Variants in USP6NL observed in about 807,000 individuals in gnomAD.
USP6NL encodes the protein USP6 N-terminal-like protein.
A neutral mutation model predicts 61.9 loss-of-function variants in USP6NL; 26 were observed. The ratio of observed to expected loss-of-function variants is 0.42; its 90% CI spans 0.31 to 0.58. The LOEUF (loss-of-function observed/expected upper bound fraction) is 0.58. Among genes scored for constraint, USP6NL ranks in the 20% least tolerant of loss-of-function variants. The pLI is 0.16. For synonymous variants in USP6NL, 432 were observed against 390.1 expected, an observed-to-expected ratio of 1.11 and a Z score of -1.27; for missense variants, 1,114 against 1,034.3, an observed-to-expected ratio of 1.08 and a Z score of -1.06.
chr10:11,514,766 A>G (rs976022954), intron 5 of USP6NL, among the ~76,000 whole-genome samples: 4 of 152,206 alleles, frequency 2.6e-5, no homozygotes, highest in African/African-American at 7.2e-5. Flanking sequence ...CTTCTCACCA[A>G]TGAAATTTTT....
intron 2 of USP6NL, among the ~76,000 whole-genome samples, chr10:11,554,753 A>G (rs375806492): frequency 4.0e-5 from 6 of 151,266 alleles, no homozygotes; most frequent in Admixed American, 1.3e-4. Flanking sequence ...ATACCAAGAA[A>G]AAAAAAAAGA....
Position 11,513,789 on chromosome 10 carries a change from C to G in USP6NL, c.196-4114G>C, listed in dbSNP as rs1241049675. On this transcript the variant is annotated intron_variant, in intron 5 of 14. Coordinates refer to ENST00000609104, the MANE Select transcript of USP6NL (RefSeq NM_014688.5). This position sits in a 1 kb window ranked among gnomAD's most constrained non-coding sequence, Gnocchi z 4.7. ...ACCAAATTCCCCACTTGCCCCAAGA[C>G]TGTTCTTTATAGCTGGTTTTTTCTG... 6.6e-6 allele frequency among the ~76,000 whole-genome samples: 1 copy of G among 152,202 alleles called. No homozygotes were observed. Among genetic ancestry groups the G allele is most frequent in the Non-Finnish European group, 1.5e-5 (1 of 68,032 alleles).
rs35927009 is a variant in USP6NL, at chr10:11,608,393, C to T, written c.-84+3050G>A. ...ATGATCCAAGAACAGTGCCAAGGGC[C>T]TTCTCCACATAACCAACAGTGACTG... On this transcript the variant is annotated intron_variant, in intron 1 of 14. Coordinates refer to ENST00000609104, the MANE Select transcript of USP6NL (RefSeq NM_014688.5). Among the ~76,000 whole-genome samples the T allele has an allele frequency of 2.4e-3, 359 of 152,310 alleles. 2 individuals carry two copies. The highest frequency in any genetic ancestry group is 8.3e-3 in the African/African-American group (345 of 41,560).
intron 2 of USP6NL, chr10:11,563,950 T>C (rs1479412208): frequency 2.6e-5 from 4 of 152,214 alleles, no homozygotes; most frequent in Non-Finnish European, 5.9e-5. Flanking sequence ...GATAAGGGCT[T>C]TCTCACAATT....
At chr10:11,549,534 CTT>C (rs1836410804) in intron 2 of USP6NL, among the ~76,000 whole-genome samples, 2 of 152,142 alleles carry the variant, frequency 1.3e-5, no homozygotes, top group Admixed American at 1.3e-4. Flanking sequence ...CACCCAAACT[CTT>C]TTTAAATGTG....
At chr10:11,541,050 C>G (rs1566168236) in intron 2 of USP6NL, among the ~76,000 whole-genome samples, 2 of 151,796 alleles carry the variant, frequency 1.3e-5, no homozygotes, top group Non-Finnish European at 2.9e-5. Flanking sequence ...TCACAAGACA[C>G]AGCTGCAATC....
At position 11,491,135 on chromosome 10, in the gene USP6NL, T is replaced by C. The variant is rs2133263708; in HGVS notation, c.495-255A>G. Among the ~76,000 whole-genome samples the C allele has an allele frequency of 6.6e-6, 1 of 152,326 alleles. No individual in the cohort carries two copies. The highest frequency in any genetic ancestry group is 3.4e-3 in the Middle Eastern group (1 of 294). Reference sequence around the variant, plus strand: ...TCAAAATTCCTAAAATTTGTTGCCTTCTTTTGCTGATCTATCTCACTTTGA... The same window carrying C: ...TCAAAATTCCTAAAATTTGTTGCCTCCTTTTGCTGATCTATCTCACTTTGA... On this transcript the variant is annotated intron_variant, in intron 8 of 14. Transcript: ENST00000609104. This position sits in a 1 kb window ranked among gnomAD's most constrained non-coding sequence, Gnocchi z 4.7.
chr10:11,479,348 A>G (rs1833094636), intron 14 of USP6NL, among the ~76,000 whole-genome samples: 1 of 152,202 alleles, frequency 6.6e-6, no homozygotes, highest in African/African-American at 2.4e-5. Context: ...AGAAAAAGAA[A>G]GAAGGGTGCC....
intron 14 of USP6NL, among the ~76,000 whole-genome samples, chr10:11,464,829 G>A (rs1566110780): frequency 1.3e-5 from 2 of 152,180 alleles, no homozygotes; most frequent in South Asian, 2.1e-4. Context: ...ACTTTAAAAT[G>A]CTTGTAATTC....
At chr10:11,572,867 TATC>T (rs1053926481) in intron 2 of USP6NL, among the ~76,000 whole-genome samples, 8 of 152,098 alleles carry the variant, frequency 5.3e-5, no homozygotes, top group Admixed American at 1.3e-4. Flanking sequence ...AATTCCTAAT[TATC>T]ATTTTAGAAT....
intron 1 of USP6NL, among the ~76,000 whole-genome samples, chr10:11,610,966 G>C (rs1838870168): frequency 6.6e-6 from 1 of 152,120 alleles, no homozygotes; most frequent in Non-Finnish European, 1.5e-5. Context: ...GGATTTCCAA[G>C]ACTTGCAGAT....
Position 11,589,876 on chromosome 10 carries a change from C to T in USP6NL, c.4+7755G>A, listed in dbSNP as rs906101068. ...TGTGAGAACAAAATCAAACCGGTGCCGCTCCAGGGTACCAAGGCAATGCCA... is the reference window on the plus strand; with the variant it reads ...TGTGAGAACAAAATCAAACCGGTGCTGCTCCAGGGTACCAAGGCAATGCCA... On this transcript the variant is annotated intron_variant, in intron 2 of 14. Coordinates refer to ENST00000609104, the MANE Select transcript of USP6NL (RefSeq NM_014688.5). This position sits in a 1 kb window ranked among gnomAD's most constrained non-coding sequence, Gnocchi z 4.7. Among the ~76,000 whole-genome samples, 5 of 152,130 alleles carry T rather than the reference C, an allele frequency of 3.3e-5. No homozygotes were observed. The highest frequency in any genetic ancestry group is 2.6e-4 in the Admixed American group (4 of 15,278).
At chr10:11,500,690 T>C (rs1323238998) in intron 7 of USP6NL, among the ~76,000 whole-genome samples, 1 of 152,112 alleles carries the variant, frequency 6.6e-6, no homozygotes. Context: ...ACAGCAGGTG[T>C]TGGTTAAACT....
In USP6NL at chr10:11,602,234, G is replaced by GA. The variant is rs1382969022; in HGVS notation, c.-83-4518dup. On this transcript the variant is annotated intron_variant, in intron 1 of 14. Transcript: ENST00000609104. This position sits in a 1 kb window ranked among gnomAD's most constrained non-coding sequence, Gnocchi z 4.8. ...CGCAACTTTCTCATCAAGTCAGAAA[G>GA]AAAAAAGCATCAGAAATGATGCCTC... Among the ~76,000 whole-genome samples the GA allele has an allele frequency of 6.6e-6, 1 of 152,014 alleles. No individual in the cohort carries two copies. Among genetic ancestry groups the GA allele is most frequent in the Admixed American group, 6.5e-5 (1 of 15,270 alleles).
chr10:11,525,272 G>T lies in USP6NL; in HGVS notation c.155+114C>A. The T allele has an allele frequency of 6.2e-6, 5 of 804,496 alleles. No individual in the cohort carries two copies. Among genetic ancestry groups the T allele is most frequent in the South Asian group, 2.0e-5 (1 of 49,650 alleles). 49.8% of individuals were successfully genotyped at this position (804,496 alleles called of 1,614,324 possible). A position where few individuals can be genotyped will look rare whatever the true frequency, so the allele number is the denominator to read the frequency against. On this transcript the variant is annotated intron_variant, in intron 4 of 14. Coordinates refer to ENST00000609104, the MANE Select transcript of USP6NL (RefSeq NM_014688.5). This position sits in a 1 kb window ranked among gnomAD's most constrained non-coding sequence, Gnocchi z 5.0. Reference sequence around the variant, plus strand: ...GGAATTTAGTATCAAAACGCATATTGTAAGACTATTCCTTATTCACAGCAA... The same window carrying T: ...GGAATTTAGTATCAAAACGCATATTTTAAGACTATTCCTTATTCACAGCAA...
intron 2 of USP6NL, among the ~76,000 whole-genome samples, chr10:11,544,927 C>G (rs1442814020): frequency 6.6e-6 from 1 of 152,164 alleles, no homozygotes; most frequent in African/African-American, 2.4e-5. Flanking sequence ...TTGGATTCGT[C>G]CCCAAGATAT....
chr10:11,604,385 G>A (rs1838644530), intron 1 of USP6NL, among the ~76,000 whole-genome samples: 1 of 152,160 alleles, frequency 6.6e-6, no homozygotes, highest in South Asian at 2.1e-4. Flanking sequence ...GGTCTAAAAT[G>A]TTGGTTATAT....
In USP6NL at chr10:11,532,757, A is replaced by G. The variant is rs2133424891; in HGVS notation, c.5-5190T>C. Among the ~76,000 whole-genome samples, 1 of 152,374 alleles carries G rather than the reference A, an allele frequency of 6.6e-6. No individual in the cohort carries two copies. The highest frequency in any genetic ancestry group is 2.1e-4 in the South Asian group (1 of 4,832). ...TTTATATCTTAATGTAATTTTTAAT[A>G]ATAATTCTTAATGTGAAAATTGTAG... On this transcript the variant is annotated intron_variant, in intron 2 of 14. Coordinates refer to ENST00000609104, the MANE Select transcript of USP6NL (RefSeq NM_014688.5). This position sits in a 1 kb window ranked among gnomAD's most constrained non-coding sequence, Gnocchi z 4.1.
rs573167106 is a variant in USP6NL, at chr10:11,574,131, AC to A, written c.4+23499del. ...AAGTTTTTAAGTAGTCAACCAAAATACCCTGCACTGTCGAAAGCCTTAATAC... is the reference window on the plus strand; with the variant it reads ...AAGTTTTTAAGTAGTCAACCAAAATACCTGCACTGTCGAAAGCCTTAATAC... On this transcript the variant is annotated intron_variant, in intron 2 of 14. Transcript: ENST00000609104. The surrounding 1 kb of genome is among the most constrained non-coding windows in gnomAD (Gnocchi z 4.3). Among the ~76,000 whole-genome samples, 456 of 152,266 alleles carry A rather than the reference AC, an allele frequency of 3.0e-3. No individual in the cohort carries two copies. The highest frequency in any genetic ancestry group is 5.0e-3 in the Non-Finnish European group (337 of 68,002).
Sources: allele counts gnomAD v4.1 joint callset (sites outside exome capture counted in the v4.1 genomes callset), GRCh38; gene constraint gnomAD v4.1.1; non-coding constraint Gnocchi (gnomAD v3.1); transcripts MANE v1.5; gene names NCBI Gene and HGNC (gene_info 2026-07-23, HGNC 2026-07-21).